The following INPP4B variants were observed in gnomAD, a reference collection of about 807,000 sequenced individuals.
INPP4B encodes the protein inositol polyphosphate-4-phosphatase type II B.
In INPP4B, 55 loss-of-function variants were observed where a neutral mutation model predicts 122.5. The ratio of observed to expected loss-of-function variants is 0.45; its 90% CI spans 0.36 to 0.56. The LOEUF is 0.56. Among genes scored for constraint, INPP4B ranks in the 20% least tolerant of loss-of-function variants. The pLI, the probability that INPP4B is intolerant of heterozygous loss-of-function variation, is 0.00. For synonymous variants in INPP4B, 403 were observed against 388.7 expected, an observed-to-expected ratio of 1.04 and a Z score of -0.43; for missense variants, 1,000 against 1,097.7, an observed-to-expected ratio of 0.91 and a Z score of 1.26.
intron 7 of INPP4B, among the ~76,000 whole-genome samples, chr4:142,359,209 A>C (rs1784591185): frequency 6.7e-6 from 1 of 149,902 alleles, no homozygotes; most frequent in African/African-American, 2.5e-5. Context: ...ACACTGGCAA[A>C]AAACAAACAA....
intron 9 of INPP4B, among the ~76,000 whole-genome samples, chr4:142,290,086 T>C (rs990216808): frequency 1.3e-5 from 2 of 151,668 alleles, no homozygotes; most frequent in Non-Finnish European, 2.9e-5. Flanking sequence ...TGCTCAAAAC[T>C]CTGCTATGGC....
intron 18 of INPP4B, among the ~76,000 whole-genome samples, chr4:142,127,328 AAT>A (rs1396501294): frequency 6.6e-6 from 1 of 152,166 alleles, no homozygotes; most frequent in Non-Finnish European, 1.5e-5. Flanking sequence ...ATTCTAATTA[AAT>A]ATTTGTTTCT....
intron 2 of INPP4B, among the ~76,000 whole-genome samples, chr4:142,653,191 T>A (rs1276397374): frequency 1.3e-5 from 2 of 152,122 alleles, no homozygotes; most frequent in Non-Finnish European, 2.9e-5. Flanking sequence ...TGAAACTGGA[T>A]CCCTTCCTTA....
chr4:142,149,509 T>G (rs1173202098), intron 17 of INPP4B, among the ~76,000 whole-genome samples: 1 of 151,944 alleles, frequency 6.6e-6, no homozygotes, highest in Non-Finnish European at 1.5e-5. Flanking sequence ...ACTGTGATTT[T>G]CCACAGAAAT....
intron 1 of INPP4B, among the ~76,000 whole-genome samples, chr4:142,830,430 T>A (rs1000166592): frequency 1.4e-4 from 21 of 152,090 alleles, no homozygotes; most frequent in Admixed American, 3.9e-4. Context: ...AATGGAAAGG[T>A]ATAGAAAATG....
intron 15 of INPP4B, among the ~76,000 whole-genome samples, chr4:142,181,123 G>T (rs1331040506): frequency 6.6e-6 from 1 of 152,134 alleles, no homozygotes; most frequent in Non-Finnish European, 1.5e-5. Flanking sequence ...TCCCATAAGA[G>T]CTTGCAAACC....
intron 1 of INPP4B, among the ~76,000 whole-genome samples, chr4:142,765,291 C>G (rs1479485367): frequency 3.3e-5 from 5 of 152,090 alleles, no homozygotes; most frequent in Admixed American, 3.3e-4. Context: ...CTACAAGGCA[C>G]TTATAGGTGG....
chr4:142,315,115 G>C (rs1349974976), intron 7 of INPP4B, among the ~76,000 whole-genome samples: 2 of 152,156 alleles, frequency 1.3e-5, no homozygotes, highest in Non-Finnish European at 2.9e-5. Context: ...TGCACAATGA[G>C]TGTTCCCAAT....
intron 2 of INPP4B, among the ~76,000 whole-genome samples, chr4:142,603,710 A>C (rs1740584293): frequency 6.7e-6 from 1 of 148,224 alleles, no homozygotes; most frequent in Admixed American, 6.8e-5. Context: ...GCAAGACTGA[A>C]ATCAGTAACA....
At chr4:142,065,442 G>C (rs928937698) in intron 25 of INPP4B, among the ~76,000 whole-genome samples, 1 of 152,004 alleles carries the variant, frequency 6.6e-6, no homozygotes, top group Admixed American at 6.6e-5. Flanking sequence ...ATATGCCCCT[G>C]TTTTGTTGTA....
At chr4:142,825,820 A>G (rs2151167020) in intron 1 of INPP4B, among the ~76,000 whole-genome samples, 1 of 152,248 alleles carries the variant, frequency 6.6e-6, no homozygotes, top group South Asian at 2.1e-4. Context: ...GGGAAAAATC[A>G]AGTAGGCTTA....
intron 1 of INPP4B, among the ~76,000 whole-genome samples, chr4:142,776,648 C>G (rs182315380): frequency 1.3e-5 from 2 of 152,050 alleles, no homozygotes; most frequent in Non-Finnish European, 2.9e-5. Flanking sequence ...AAATAGACAC[C>G]CAAGTCTCCA....
chr4:142,686,209 C>T (rs1279797907), intron 2 of INPP4B, among the ~76,000 whole-genome samples: 4 of 151,992 alleles, frequency 2.6e-5, no homozygotes, highest in African/African-American at 4.8e-5. Flanking sequence ...TTAGTCAAGG[C>T]CTCAAATAAC....
At chr4:142,317,860 C>A (rs1378383717) in intron 7 of INPP4B, among the ~76,000 whole-genome samples, 2 of 152,128 alleles carry the variant, frequency 1.3e-5, no homozygotes, top group Non-Finnish European at 1.5e-5. Context: ...GCTATTGGGG[C>A]CCTGCAGGAA....
chr4:142,318,428 A>G (rs1768657910), intron 7 of INPP4B, among the ~76,000 whole-genome samples: 1 of 152,086 alleles, frequency 6.6e-6, no homozygotes, highest in South Asian at 2.1e-4. Flanking sequence ...AGCATTTGGA[A>G]TATTCTGGTT....
chr4:142,727,043 G>A (rs894566239), intron 1 of INPP4B, among the ~76,000 whole-genome samples: 1 of 152,096 alleles, frequency 6.6e-6, no homozygotes, highest in African/African-American at 2.4e-5. Flanking sequence ...CTGCCCTAGT[G>A]AGCCACACAA....
rs547927562 is a variant in INPP4B, at chr4:142,607,674, C to T, written c.-191+118165G>A. Among the ~76,000 whole-genome samples the T allele has an allele frequency of 3.3e-5, 5 of 152,216 alleles. No homozygotes were observed. In the East Asian group the frequency reaches 9.7e-4, roughly 29 times the overall value. ...ATGCTCTGTGTACAGATTTATAGTA[C>T]TTTCAATTTTATTTTGCACATTCAC... On this transcript the variant is annotated intron_variant, in intron 2 of 25. Transcript: ENST00000262992.
intron 8 of INPP4B, among the ~76,000 whole-genome samples, 192 bp downstream of exon 8, chr4:142,314,520 A>AT (rs1319573972): frequency 1.3e-5 from 2 of 152,074 alleles, no homozygotes; most frequent in African/African-American, 4.8e-5. Flanking sequence ...CTTGAGGATG[A>AT]TTTTCAGGAA....
At chr4:142,113,189 G>A (rs1791137734) in intron 21 of INPP4B, among the ~76,000 whole-genome samples, 1 of 151,946 alleles carries the variant, frequency 6.6e-6, no homozygotes, top group Non-Finnish European at 1.5e-5. Context: ...AAACTTTCAG[G>A]AATTCTGGTC....
Sources: allele counts gnomAD v4.1 joint callset (sites outside exome capture counted in the v4.1 genomes callset), GRCh38; gene constraint gnomAD v4.1.1; transcripts MANE v1.5; gene names NCBI Gene and HGNC (gene_info 2026-07-23, HGNC 2026-07-21).